RAP1A: variants seen among roughly 807,000 people sequenced by gnomAD.
RAP1A encodes the protein ras-related protein Rap-1A.
RAP1A carries 6 observed loss-of-function variants against 26.4 expected under a neutral mutation model. The observed-to-expected ratio is 0.23, with a 90% CI of 0.12 to 0.45. The LOEUF (loss-of-function observed/expected upper bound fraction) is 0.45. Among genes scored for constraint, RAP1A ranks in the 20% least tolerant of loss-of-function variants. The pLI is 0.99. For synonymous variants in RAP1A, 73 were observed against 79.4 expected, an observed-to-expected ratio of 0.92 and a Z score of 0.43; for missense variants, 121 against 217.2, an observed-to-expected ratio of 0.56 and a Z score of 2.78.
chr1:111,689,492 A>G (rs1022618843), intron 1 of RAP1A, among the ~76,000 whole-genome samples: 2 of 151,442 alleles, frequency 1.3e-5, no homozygotes, highest in Non-Finnish European at 2.9e-5. Context: ...TCTATTTCAC[A>G]TACTGTTTTT....
chr1:111,552,145 G>T (rs2101036966), intron 1 of RAP1A, among the ~76,000 whole-genome samples: 1 of 152,310 alleles, frequency 6.6e-6, no homozygotes. Flanking sequence ...TGACTTTAGG[G>T]CTGGGCAAGC....
intron 1 of RAP1A, among the ~76,000 whole-genome samples, chr1:111,685,141 TTAAACA>T (rs1398001910): frequency 6.6e-6 from 1 of 152,180 alleles, no homozygotes; most frequent in African/African-American, 2.4e-5. Context: ...GATTAAAGAC[TTAAACA>T]TAAGCCCTAA....
intron 1 of RAP1A, among the ~76,000 whole-genome samples, chr1:111,572,203 A>G (rs978928436): frequency 6.6e-6 from 1 of 152,202 alleles, no homozygotes; most frequent in African/African-American, 2.4e-5. Context: ...TGCCTTTCAG[A>G]AGCTTCTTTC....
chr1:111,619,673 G>T, upstream of RAP1A: 1 of 391,570 alleles, frequency 2.6e-6, no homozygotes, highest in Non-Finnish European at 4.5e-6. Context: ...AGCGGACTCC[G>T]GAACGCCGTG....
At position 111,712,726 on chromosome 1, in the gene RAP1A, A is replaced by G. The variant is rs949432994; in HGVS notation, c.*325A>G. ...ATTTCAAATGTTAGATATTGCTACT[A>G]TAATCAAATGATTTCATATTGATCT... On this transcript the variant is annotated 3_prime_UTR_variant, in exon 8 of 8. Transcript: ENST00000369709. 4 of 152,548 alleles carry G rather than the reference A, an allele frequency of 2.6e-5. No individual in the cohort carries two copies. The highest frequency in any genetic ancestry group is 4.4e-5 in the Non-Finnish European group (3 of 67,934). The allele number at this position is 152,548 out of a possible 1,614,324, so 9.4% of individuals were successfully genotyped here. A position where few individuals can be genotyped will look rare whatever the true frequency, so the allele number is the denominator to read the frequency against.
intron 1 of RAP1A, among the ~76,000 whole-genome samples, chr1:111,558,281 G>A (rs1657585563): frequency 6.6e-6 from 1 of 152,020 alleles, no homozygotes; most frequent in Non-Finnish European, 1.5e-5. Context: ...AGGCTCAAGT[G>A]GTCCTCTCAC....
rs1658626383 is a variant in RAP1A, at chr1:111,599,452, G to A, written c.-28+56943G>A. 1.3e-5 allele frequency among the ~76,000 whole-genome samples: 2 copies of A among 152,150 alleles called. 1 individual carries two copies. Among genetic ancestry groups the A allele is most frequent in the South Asian group, 4.1e-4 (2 of 4,834 alleles). On this transcript the variant is annotated intron_variant, in intron 1 of 7. Transcript: ENST00000356415. ...CATCTCCTGACCTCGTGATCCACCT[G>A]CCTCAGCCTCCCAAAGTGCTAGGAT...
chr1:111,607,786 C>T (rs1461421719), intron 1 of RAP1A, among the ~76,000 whole-genome samples: 2 of 137,926 alleles, frequency 1.5e-5, no homozygotes, highest in African/African-American at 5.5e-5. Context: ...CGCCCCTCAC[C>T]TCCCGGACGG....
chr1:111,599,416 A>G (rs933543175), intron 1 of RAP1A, among the ~76,000 whole-genome samples: 3 of 152,162 alleles, frequency 2.0e-5, no homozygotes, highest in African/African-American at 7.2e-5. Flanking sequence ...CGTGTTAGCC[A>G]GGATGGTCTC....
chr1:111,678,009 G>A (rs1661179710), intron 1 of RAP1A, among the ~76,000 whole-genome samples: 1 of 152,176 alleles, frequency 6.6e-6, no homozygotes, highest in South Asian at 2.1e-4. Flanking sequence ...TGATTTGTAT[G>A]TTTGTCGTTA....
intron 1 of RAP1A, among the ~76,000 whole-genome samples, chr1:111,641,815 C>T (rs776558209): frequency 2.0e-5 from 3 of 152,106 alleles, no homozygotes; most frequent in Non-Finnish European, 4.4e-5. Flanking sequence ...AAGAAGATGA[C>T]TGGTAAGGCA....
chr1:111,641,023 A>G (rs1017777781), intron 1 of RAP1A, among the ~76,000 whole-genome samples: 1 of 152,206 alleles, frequency 6.6e-6, no homozygotes, highest in Non-Finnish European at 1.5e-5. Flanking sequence ...AATACAAGTA[A>G]TGCCCTGAAA....
At chr1:111,661,794 G>A (rs1315429570) in intron 1 of RAP1A, among the ~76,000 whole-genome samples, 21 of 136,664 alleles carry the variant, frequency 1.5e-4, no homozygotes, top group African/African-American at 5.2e-4. Context: ...ACGAAACTCC[G>A]TCCCAGAAAA....
chr1:111,671,416 A>G (rs1437170494), intron 1 of RAP1A, among the ~76,000 whole-genome samples: 1 of 152,196 alleles, frequency 6.6e-6, no homozygotes, highest in Non-Finnish European at 1.5e-5. Context: ...AAAACACAAA[A>G]TCAGCTATTC....
intron 1 of RAP1A, among the ~76,000 whole-genome samples, chr1:111,602,543 G>A (rs2101073207): frequency 6.6e-6 from 1 of 152,262 alleles, no homozygotes; most frequent in East Asian, 1.9e-4. Context: ...CATTCATCAG[G>A]TGGTGTGTTG....
intron 1 of RAP1A, among the ~76,000 whole-genome samples, chr1:111,651,756 C>T (rs1660279048): frequency 2.6e-5 from 4 of 152,088 alleles, no homozygotes; most frequent in Admixed American, 2.6e-4. Flanking sequence ...GGATTACCAG[C>T]ATGCGCTGCC....
At position 111,630,011 on chromosome 1, in the gene RAP1A, A is replaced by G. The variant is rs560271210; in HGVS notation, c.-28+10077A>G. On this transcript the variant is annotated intron_variant, in intron 1 of 7. Transcript: ENST00000369709. Reference sequence around the variant, plus strand: ...TAGTTTGGGCCATTCTGGCATTGCCACTATGATGGCCTGTTGTCTTACATT... The same window carrying G: ...TAGTTTGGGCCATTCTGGCATTGCCGCTATGATGGCCTGTTGTCTTACATT... Among the ~76,000 whole-genome samples, 6 of 152,336 alleles carry G rather than the reference A, an allele frequency of 3.9e-5. 1 individual carries two copies. Among genetic ancestry groups the G allele is most frequent in the South Asian group, 4.1e-4 (2 of 4,830 alleles).
At chr1:111,684,399 C>G (rs7540630) in intron 1 of RAP1A, among the ~76,000 whole-genome samples, 2 of 152,260 alleles carry the variant, frequency 1.3e-5, no homozygotes, top group South Asian at 2.1e-4. Flanking sequence ...AAAACCCCAT[C>G]GTCTCAGCCC....
chr1:111,693,858 C>T (rs559222504), intron 2 of RAP1A, among the ~76,000 whole-genome samples: 3 of 151,232 alleles, frequency 2.0e-5, no homozygotes, highest in Admixed American at 1.3e-4. Flanking sequence ...AGACTCTCTG[C>T]TCTAGCCTAA....
Sources: allele counts gnomAD v4.1 joint callset (sites outside exome capture counted in the v4.1 genomes callset), GRCh38; gene constraint gnomAD v4.1.1; transcripts MANE v1.5; gene names NCBI Gene and HGNC (gene_info 2026-07-23, HGNC 2026-07-21).